The following ZFHX3 variants were observed in gnomAD, a reference collection of about 807,000 sequenced individuals.
ZFHX3 encodes zinc finger homeobox protein 3.
ZFHX3 carries 42 observed loss-of-function variants against 279.1 expected under a neutral mutation model. The observed-to-expected ratio is 0.15, with a 90% CI of 0.12 to 0.19. The LOEUF (loss-of-function observed/expected upper bound fraction) is 0.19. Ranked by LOEUF, ZFHX3 falls within the 10% of genes least tolerant of loss-of-function variation. ZFHX3 has a pLI of 1.00. For synonymous variants in ZFHX3, 2,293 were observed against 1,957.8 expected (o/e 1.17, Z -4.52); for missense variants, 4,981 against 4,754.0 (o/e 1.05, Z -1.40).
intron 7 of ZFHX3, among the ~76,000 whole-genome samples, chr16:73,112,158 C>G (rs1298057295): frequency 2.0e-5 from 3 of 152,004 alleles, no homozygotes; most frequent in Admixed American, 6.6e-5. Flanking sequence ...CTCTCTGCTC[C>G]TGTCTGCCCA....
At chr16:73,757,893 C>T (rs1389628432) in intron 1 of ZFHX3, among the ~76,000 whole-genome samples, 7 of 152,138 alleles carry the variant, frequency 4.6e-5, no homozygotes, top group Non-Finnish European at 7.4e-5. Flanking sequence ...AAAAGTCAGC[C>T]TTCAGTTTAT....
In ZFHX3 at chr16:73,515,581, G is replaced by GGA. The variant is rs369637291; in HGVS notation, c.-1546-59325_-1546-59324dup. On this transcript the variant is annotated intron_variant, in intron 2 of 17. Coordinates refer to the ZFHX3 transcript ENST00000641206. ...GAAAGAGAGAGAAAGAAAGAAAGAG[G>GGA]GAGAGAGAGAGAGGAAGAGAGGGAG... Among the ~76,000 whole-genome samples, 11 of 149,644 alleles carry GGA rather than the reference G, an allele frequency of 7.4e-5. No individual in the cohort carries two copies. The East Asian group carries it at 1.4e-3, about 19-fold the overall frequency.
intron 5 of ZFHX3, among the ~76,000 whole-genome samples, chr16:73,174,896 TG>T (rs1410676276): frequency 3.9e-4 from 57 of 145,448 alleles, no homozygotes; most frequent in African/African-American, 1.4e-3. Flanking sequence ...TAGCCAGGCA[TG>T]GCGGCACATG....
At position 72,832,584 on chromosome 16, in the gene ZFHX3, C is replaced by T. The variant is rs984297250; in HGVS notation, c.3449-2725G>A. On this transcript the variant is annotated intron_variant, in intron 4 of 9. Transcript: ENST00000268489. ...TCATTCACTAAAAGGCTGTTCTATG[C>T]GTGGTAGAAGAAGAAATGATTACGA... Among the ~76,000 whole-genome samples the T allele has an allele frequency of 3.9e-4, 59 of 152,282 alleles. 1 individual carries two copies. Among genetic ancestry groups the T allele is most frequent in the African/African-American group, 1.2e-3 (51 of 41,556 alleles).
chr16:73,085,985 C>CAAAAAAAAAAAAAAAAAAAAAAAA, intron 8 of ZFHX3, among the ~76,000 whole-genome samples: 1 of 54,228 alleles, frequency 1.8e-5, no homozygotes, highest in Non-Finnish European at 4.0e-5. Flanking sequence ...AACTCAATTG[C>CAAAAAAAAAAAAAAAAAAAAAAAA]AAAAAAAAAA....
intron 8 of ZFHX3, among the ~76,000 whole-genome samples, chr16:73,069,258 T>C (rs1965793878): frequency 6.6e-6 from 1 of 152,174 alleles, no homozygotes; most frequent in Admixed American, 6.5e-5. Context: ...CAAATATCTG[T>C]CTTTTAACCC....
At chr16:73,175,273 G>C (rs1001919444) in intron 5 of ZFHX3, among the ~76,000 whole-genome samples, 1 of 151,638 alleles carries the variant, frequency 6.6e-6, no homozygotes, top group Non-Finnish European at 1.5e-5. Flanking sequence ...CCAGCTACTT[G>C]AGATGCTGAG....
At chr16:72,799,458 A>AACTT (rs1330240625) in intron 8 of ZFHX3, among the ~76,000 whole-genome samples, 1 of 152,172 alleles carries the variant, frequency 6.6e-6, no homozygotes, top group African/African-American at 2.4e-5. Flanking sequence ...AACTCTTCCC[A>AACTT]ACTTAGAACT....
intron 1 of ZFHX3, among the ~76,000 whole-genome samples, chr16:73,718,121 C>T (rs960047016): frequency 6.6e-6 from 1 of 152,154 alleles, no homozygotes; most frequent in African/African-American, 2.4e-5. Flanking sequence ...CTTAAAAGCA[C>T]ACAAGTGAGC....
At chr16:73,240,329 C>T (rs913254453) in intron 5 of ZFHX3, among the ~76,000 whole-genome samples, 2 of 151,952 alleles carry the variant, frequency 1.3e-5, no homozygotes, top group African/African-American at 4.8e-5. Flanking sequence ...AGTGATTCTC[C>T]AGCCTCAGCC....
chr16:73,870,139 A>G (rs954919073), intron 1 of ZFHX3, among the ~76,000 whole-genome samples: 1 of 152,224 alleles, frequency 6.6e-6, no homozygotes, highest in Non-Finnish European at 1.5e-5. Flanking sequence ...ACCTAGTTAT[A>G]TGTCATCTTT....
rs138288030 is a variant in ZFHX3, at chr16:73,718,906, G to A, written c.-1607-38666C>T. ...TGGGATTACAGGTGTGAGCCACTGC[G>A]CCTGGCCTGAATCATGTTTAAAAAC... On this transcript the variant is annotated intron_variant, in intron 1 of 17. Transcript: ENST00000641206. Among the ~76,000 whole-genome samples, 258 of 152,220 alleles carry A rather than the reference G, an allele frequency of 1.7e-3. 5 individuals are homozygous for A. The East Asian group carries it at 0.041, about 24-fold the overall frequency.
chr16:73,603,772 CTTT>C lies in ZFHX3; in HGVS notation c.-1547+76405_-1547+76407del, dbSNP rs11459049. Among the ~76,000 whole-genome samples the C allele has an allele frequency of 7.7e-3, 813 of 105,466 alleles. 6 individuals carry two copies. Among genetic ancestry groups the C allele is most frequent in the Admixed American group, 0.034 (315 of 9,146 alleles). 69.2% of individuals were successfully genotyped at this position (105,466 alleles called of 152,430 possible). ...TAAAAATACTCAGGAAAAAAATACG[CTTT>C]TTTTTTTTTTTTTTTTGAGATGGAG... On this transcript the variant is annotated intron_variant, in intron 2 of 17. Coordinates refer to the ZFHX3 transcript ENST00000641206.
chr16:73,242,098 C>T (rs1597238211), intron 5 of ZFHX3, among the ~76,000 whole-genome samples: 4 of 152,156 alleles, frequency 2.6e-5, no homozygotes, highest in Non-Finnish European at 2.9e-5. Context: ...AACTAGCAAT[C>T]TGACTTTTTG....
intron 2 of ZFHX3, among the ~76,000 whole-genome samples, chr16:73,532,525 C>T (rs2019823842): frequency 6.6e-6 from 1 of 152,124 alleles, no homozygotes; most frequent in Non-Finnish European, 1.5e-5. Context: ...AAGCAGAAAT[C>T]AGTCATTCAT....
In ZFHX3 at chr16:73,527,776, C is replaced by T. The variant is rs561134578; in HGVS notation, c.-1546-71518G>A. On this transcript the variant is annotated intron_variant, in intron 2 of 17. Coordinates refer to the ZFHX3 transcript ENST00000641206. The stretch of plus-strand genomic sequence containing the variant: ...AGCTCCAGCCACCAGTCAGTGGGGA[C>T]CCAAGACCTGCCACCAGTCACGTGT... 6.6e-5 allele frequency among the ~76,000 whole-genome samples: 10 copies of T among 152,300 alleles called. No homozygotes were observed. The East Asian group carries it at 1.9e-3, about 29-fold the overall frequency.
intron 3 of ZFHX3, among the ~76,000 whole-genome samples, chr16:73,431,621 G>A (rs552702911): frequency 6.6e-6 from 1 of 152,134 alleles, no homozygotes; most frequent in Non-Finnish European, 1.5e-5. Context: ...ATTACTGATT[G>A]TTAGACATGC....
intron 4 of ZFHX3, among the ~76,000 whole-genome samples, chr16:73,300,171 C>T (rs1020317784): frequency 4.6e-5 from 7 of 151,396 alleles, no homozygotes; most frequent in Non-Finnish European, 1.0e-4. Flanking sequence ...GAGGCTTGAG[C>T]CCAGATGGCT....
At chr16:73,573,384 A>G (rs960396698) in intron 2 of ZFHX3, among the ~76,000 whole-genome samples, 5 of 152,196 alleles carry the variant, frequency 3.3e-5, no homozygotes, top group African/African-American at 7.2e-5. Context: ...GGGTTAGAGT[A>G]TGCAGGTTCT....
Sources: gnomAD v4.1 joint callset for allele counts (sites outside exome capture counted in the v4.1 genomes callset) on GRCh38, gnomAD v4.1.1 for gene constraint, MANE v1.5 for transcripts, NCBI Gene and HGNC (gene_info 2026-07-23, HGNC 2026-07-21) for gene names.